The following AKNAD1 variants were observed in gnomAD, a reference collection of about 807,000 sequenced individuals.
The protein encoded by AKNAD1 is AKNA domain containing 1.
In AKNAD1, 67 loss-of-function variants were observed where a neutral mutation model predicts 90.8. The observed-to-expected ratio is 0.74, with a 90% CI of 0.61 to 0.90. AKNAD1 has a LOEUF of 0.90. AKNAD1 is among the 40% of genes least tolerant of loss of function. The probability of loss-of-function intolerance (pLI) is 0.00; values close to 1 mark genes in which losing one functional copy is unlikely to be tolerated. For synonymous variants in AKNAD1, 327 were observed against 341.4 expected, an observed-to-expected ratio of 0.96 and a Z score of 0.46; for missense variants, 957 against 975.4, an observed-to-expected ratio of 0.98 and a Z score of 0.25.
intron 2 of AKNAD1, among the ~76,000 whole-genome samples, chr1:108,850,279 G>A (rs9440550): frequency 0.17 from 25,441 of 152,168 alleles, 2,382 homozygotes; most frequent in Middle Eastern, 0.22. Context: ...CTATATGACG[G>A]ATATGAAACC....
intron 6 of AKNAD1, among the ~76,000 whole-genome samples, chr1:108,838,744 A>G (rs1206921695): frequency 6.6e-6 from 1 of 152,186 alleles, no homozygotes; most frequent in Non-Finnish European, 1.5e-5. Flanking sequence ...GAAAAATTTT[A>G]AATCAAAAGG....
chr1:108,844,394 A>G (rs1343567167), intron 5 of AKNAD1, among the ~76,000 whole-genome samples: 1 of 151,726 alleles, frequency 6.6e-6, no homozygotes, highest in Non-Finnish European at 1.5e-5. Context: ...ATATATATAT[A>G]TATACCAAAG....
intron 5 of AKNAD1, among the ~76,000 whole-genome samples, chr1:108,845,706 G>A (rs1426468838): frequency 6.6e-6 from 1 of 152,160 alleles, no homozygotes; most frequent in African/African-American, 2.4e-5. Flanking sequence ...TGAGAAGAAT[G>A]TGGTAGACCT....
At chr1:108,816,972 G>C in intron 15 of AKNAD1, 76 bp downstream of exon 15, 6 of 1,549,796 alleles carry the variant, frequency 3.9e-6, no homozygotes, top group Non-Finnish European at 5.3e-6. Context: ...AATAACTTAA[G>C]AGCTGCCAGT....
intron 5 of AKNAD1, among the ~76,000 whole-genome samples, chr1:108,846,933 CA>C (rs1664720863): frequency 6.6e-6 from 1 of 152,024 alleles, no homozygotes; most frequent in Non-Finnish European, 1.5e-5. Context: ...CTTGGTTACC[CA>C]AGCCAGAAAT....
At chr1:108,846,034 G>A (rs6604130) in intron 5 of AKNAD1, among the ~76,000 whole-genome samples, 42,938 of 152,112 alleles carry the variant, frequency 0.28, 7,497 homozygotes, top group African/African-American at 0.5. Flanking sequence ...CTAGGCAGAA[G>A]TGTGCCTCAC....
At chr1:108,839,513 G>A (rs1394416056) in intron 6 of AKNAD1, among the ~76,000 whole-genome samples, 1 of 140,330 alleles carries the variant, frequency 7.1e-6, no homozygotes, top group Admixed American at 7.1e-5. Flanking sequence ...CTCATTCTGT[G>A]GTTCAACGTT....
At chr1:108,855,123 C>T (rs1396143713) in intron 1 of AKNAD1, among the ~76,000 whole-genome samples, 1 of 152,168 alleles carries the variant, frequency 6.6e-6, no homozygotes, top group East Asian at 1.9e-4. Context: ...ATATGTAAAA[C>T]ATAATCTCGT....
At chr1:108,851,593 T>G in intron 2 of AKNAD1, 79 bp downstream of exon 2, 1 of 1,391,602 alleles carries the variant, frequency 7.2e-7, no homozygotes, top group Non-Finnish European at 9.6e-7. Flanking sequence ...CCAAGCTCTA[T>G]TCACCCTCCA....
rs1282814880 is a variant in AKNAD1, at chr1:108,852,087, T to C, written c.578A>G (p.Asn193Ser). The change falls in exon 2 of 16, where the codon AAT (asparagine) becomes AGT (serine). Residue 193 changes from asparagine (N) to serine (S), a missense_variant. Physicochemically the swap from Asn to Ser is conservative, Grantham distance 46. Coordinates refer to ENST00000370001, the MANE Select transcript of AKNAD1 (RefSeq NM_152763.5). ...KPGSATTTEE[N>S]TSDLEGPVAA... is the part of the protein sequence containing the mutation. ...CACTGGCCCTTCTAAATCAGAGGTATTTTCCTCTGTCGTGGTGGCAGAACC... is the reference window on the plus strand; with the variant it reads ...CACTGGCCCTTCTAAATCAGAGGTACTTTCCTCTGTCGTGGTGGCAGAACC... 6.2e-7 allele frequency: 1 copy of C among 1,614,048 alleles called. No individual in the cohort carries two copies. Among genetic ancestry groups the C allele is most frequent in the African/African-American group, 1.3e-5 (1 of 74,910 alleles).
upstream of AKNAD1, chr1:108,857,923 TA>T (rs1665094579): frequency 6.6e-6 from 1 of 152,368 alleles, no homozygotes; most frequent in Admixed American, 6.5e-5. Flanking sequence ...AGTGTACATC[TA>T]AAAGCTTTAA....
At chr1:108,821,813 T>C (rs1321512208) in intron 13 of AKNAD1, among the ~76,000 whole-genome samples, 4 of 148,424 alleles carry the variant, frequency 2.7e-5, no homozygotes, top group Non-Finnish European at 5.9e-5. Flanking sequence ...GCCTTCTCTG[T>C]CACCAAGGCT....
rs753901143 is a variant in AKNAD1, at chr1:108,827,304, TA to T, written c.1839-3del. 8.1e-6 allele frequency: 13 copies of T among 1,595,704 alleles called. No individual in the cohort carries two copies. The highest frequency in any genetic ancestry group is 2.3e-5 in the East Asian group (1 of 43,876). On this transcript the variant is annotated splice_region_variant and splice_polypyrimidine_tract_variant and intron_variant, in intron 10 of 15. Coordinates refer to ENST00000370001, the MANE Select transcript of AKNAD1 (RefSeq NM_152763.5). ...CCCTTTTTCTCCACGTTTTGCTTCC[TA>T]AAAAAAGGTGCATAAGATCCTGTAA...
intron 2 of AKNAD1, among the ~76,000 whole-genome samples, 191 bp from the exon 3 acceptor site, chr1:108,849,767 C>T (rs762564759): frequency 2.6e-5 from 4 of 152,274 alleles, no homozygotes; most frequent in Non-Finnish European, 5.9e-5. Context: ...TGTCTCATCA[C>T]TTATAAGCCT....
intron 14 of AKNAD1, among the ~76,000 whole-genome samples, chr1:108,818,911 C>G (rs1194036226): frequency 1.4e-5 from 2 of 146,096 alleles, no homozygotes; most frequent in Non-Finnish European, 3.0e-5. Flanking sequence ...TTGCAGTGAG[C>G]CATGATCGTG....
chr1:108,835,003 A>G lies in AKNAD1; in HGVS notation c.1590T>C (p.Ser530=). The G allele has an allele frequency of 6.4e-7, 1 of 1,563,610 alleles. No individual in the cohort carries two copies. Among genetic ancestry groups the G allele is most frequent in the Non-Finnish European group, 8.6e-7 (1 of 1,162,708 alleles). Residue 530 remains serine, a synonymous_variant, in exon 8 of 16, where the codon AGT becomes AGC. Coordinates refer to ENST00000370001, the MANE Select transcript of AKNAD1 (RefSeq NM_152763.5). ...CTCCTTGGGGTGTCCCTGTTACCTCACTCCCACCTGAGCCTCGAGGCCCAG... is the reference window on the plus strand; with the variant it reads ...CTCCTTGGGGTGTCCCTGTTACCTCGCTCCCACCTGAGCCTCGAGGCCCAG... ...HPSGPRGSGG[S]EVTGTPQGGP... is the part of the protein sequence containing the mutation.
chr1:108,840,554 A>T (rs1281994069), intron 6 of AKNAD1, among the ~76,000 whole-genome samples: 7 of 152,228 alleles, frequency 4.6e-5, no homozygotes, highest in Non-Finnish European at 1.0e-4. Flanking sequence ...ATGAGTGTAT[A>T]AGAATAGCTA....
At chr1:108,823,204 T>G (rs1026073639) in intron 13 of AKNAD1, 166 bp downstream of exon 13, 6 of 725,508 alleles carry the variant, frequency 8.3e-6, no homozygotes, top group African/African-American at 1.7e-5. Context: ...GCCATCCAGA[T>G]GTAGGGCTGG....
chr1:108,819,455 C>CA lies in AKNAD1; in HGVS notation c.2249+1089dup, dbSNP rs34501326. Among the ~76,000 whole-genome samples the CA allele has an allele frequency of 2.5e-3, 331 of 130,318 alleles. 2 individuals carry two copies. Among genetic ancestry groups the CA allele is most frequent in the African/African-American group, 3.3e-3 (117 of 35,104 alleles). The allele number at this position is 130,318 out of a possible 152,430, so 85.5% of individuals were successfully genotyped here. ...CAACATAGTAAGACCCCATCTCTAC[C>CA]AAAAAAAAAAAAAAAGTAGCTAGCT... is the stretch of plus-strand genomic sequence containing the variant. On this transcript the variant is annotated intron_variant, in intron 14 of 15. Coordinates refer to ENST00000370001, the MANE Select transcript of AKNAD1 (RefSeq NM_152763.5).
Sources: gnomAD v4.1 joint callset for allele counts (sites outside exome capture counted in the v4.1 genomes callset) on GRCh38, gnomAD v4.1.1 for gene constraint, MANE v1.5 for transcripts, NCBI Gene and HGNC (gene_info 2026-07-23, HGNC 2026-07-21) for gene names.